The following SEMA3D variants were observed in gnomAD, a reference collection of about 807,000 sequenced individuals.
SEMA3D encodes semaphorin-3D.
In SEMA3D, 84 loss-of-function variants were observed where a neutral mutation model predicts 100.1. That is an observed-to-expected ratio of 0.84 (90% CI 0.70 to 1.01). SEMA3D has a LOEUF of 1.01. SEMA3D is among the 50% of genes least tolerant of loss of function. SEMA3D has a pLI of 0.00. For synonymous variants in SEMA3D, 312 were observed against 320.7 expected, an observed-to-expected ratio of 0.97 and a Z score of 0.29; for missense variants, 875 against 934.1, an observed-to-expected ratio of 0.94 and a Z score of 0.82.
At chr7:85,134,169 ATACT>A (rs933592107) in intron 2 of SEMA3D, among the ~76,000 whole-genome samples, 5 of 152,026 alleles carry the variant, frequency 3.3e-5, no homozygotes, top group Non-Finnish European at 7.4e-5. Flanking sequence ...TAAAAAGAAC[ATACT>A]TAATTGCTTT....
the SEMA3D span, among the ~76,000 whole-genome samples, chr7:85,223,169 G>A: frequency 6.6e-6 from 1 of 152,052 alleles, no homozygotes; most frequent in African/African-American, 2.4e-5. Flanking sequence ...TGGTGTGAAT[G>A]TGCTGAAAAG....
intron 2 of SEMA3D, among the ~76,000 whole-genome samples, chr7:85,149,034 A>T (rs1790291656): frequency 6.6e-6 from 1 of 152,284 alleles, no homozygotes; most frequent in South Asian, 2.1e-4. Flanking sequence ...AAATGAAACC[A>T]TTTGCACAAT....
At chr7:85,017,928 C>A (rs1430503044) in intron 15 of SEMA3D, among the ~76,000 whole-genome samples, 1 of 151,630 alleles carries the variant, frequency 6.6e-6, no homozygotes, top group African/African-American at 2.4e-5. Flanking sequence ...GATTAAAAAC[C>A]CTTTGTAATG....
At chr7:85,072,378 T>C (rs1791798825) in intron 6 of SEMA3D, among the ~76,000 whole-genome samples, 1 of 152,168 alleles carries the variant, frequency 6.6e-6, no homozygotes, top group Admixed American at 6.5e-5. Flanking sequence ...TCCACTATTA[T>C]ACATAACAGG....
intron 5 of SEMA3D, among the ~76,000 whole-genome samples, chr7:85,075,551 T>C (rs1043591991): frequency 6.6e-6 from 1 of 152,132 alleles, no homozygotes; most frequent in African/African-American, 2.4e-5. Flanking sequence ...TGACAAGGCA[T>C]ACCTCAGATT....
At chr7:85,083,859 T>C (rs2116246396) in intron 4 of SEMA3D, among the ~76,000 whole-genome samples, 1 of 113,382 alleles carries the variant, frequency 8.8e-6, no homozygotes, top group South Asian at 2.8e-4. Flanking sequence ...AAAAAAAAAA[T>C]TGCATCGGCC....
Position 85,078,868 on chromosome 7 carries a change from G to A in SEMA3D, c.375+2649C>T, listed in dbSNP as rs1012990960. The stretch of plus-strand genomic sequence containing the variant: ...TTACTAGAGAGGAAGAAGGAGAAAG[G>A]GTAATGCCAAACGTAATAAAAGATG... On this transcript the variant is annotated intron_variant, in intron 5 of 18. Coordinates refer to ENST00000284136, the MANE Select transcript of SEMA3D (RefSeq NM_001384900.1). Among the ~76,000 whole-genome samples, 3 of 152,090 alleles carry A rather than the reference G, an allele frequency of 2.0e-5. No individual in the cohort carries two copies. In the East Asian group the frequency reaches 5.8e-4, roughly 29 times the overall value.
the SEMA3D span, among the ~76,000 whole-genome samples, chr7:85,239,415 G>A: frequency 1.3e-5 from 2 of 152,172 alleles, no homozygotes; most frequent in African/African-American, 4.8e-5. Context: ...GCCTTTAACT[G>A]ATGCTAGACC....
intron 2 of SEMA3D, among the ~76,000 whole-genome samples, chr7:85,129,647 A>G (rs998704690): frequency 4.6e-5 from 7 of 152,170 alleles, no homozygotes; most frequent in African/African-American, 1.7e-4. Flanking sequence ...ATGGGGTTAT[A>G]CCTACTTAGT....
intron 7 of SEMA3D, among the ~76,000 whole-genome samples, chr7:85,066,310 G>T (rs1791618578): frequency 6.6e-6 from 1 of 151,866 alleles, no homozygotes; most frequent in African/African-American, 2.4e-5. Flanking sequence ...GGAGAGAAGG[G>T]ATGGTGAGAA....
chr7:85,053,385 C>T (rs1313978669), intron 9 of SEMA3D, among the ~76,000 whole-genome samples: 7 of 151,688 alleles, frequency 4.6e-5, no homozygotes, highest in East Asian at 1.9e-4. Context: ...ATTATAATGA[C>T]GCTGGGGGGA....
Position 84,999,368 on chromosome 7 carries a change from A to G in SEMA3D, c.*72T>C. 1 of 1,172,728 alleles carries G rather than the reference A, an allele frequency of 8.5e-7. No individual in the cohort carries two copies. Among genetic ancestry groups the G allele is most frequent in the Admixed American group, 2.0e-5 (1 of 50,890 alleles). 72.6% of individuals were successfully genotyped at this position (1,172,728 alleles called of 1,614,324 possible). A position where few individuals can be genotyped will look rare whatever the true frequency, so the allele number is the denominator to read the frequency against. ...CCATGGGAAGCATTTATGAATTACT[A>G]TAAGGGATATACAAAACAGAAGGCA... is the stretch of plus-strand genomic sequence containing the variant. On this transcript the variant is annotated 3_prime_UTR_variant, in exon 19 of 19. Transcript: ENST00000284136.
the SEMA3D span, among the ~76,000 whole-genome samples, chr7:85,216,493 T>C: frequency 2.0e-5 from 3 of 151,946 alleles, no homozygotes; most frequent in Non-Finnish European, 4.4e-5. Flanking sequence ...TGAAATTTAG[T>C]AAAATTAATA....
intron 3 of SEMA3D, among the ~76,000 whole-genome samples, chr7:85,114,643 G>T (rs566103635): frequency 3.3e-5 from 5 of 152,208 alleles, no homozygotes; most frequent in Middle Eastern, 3.4e-3. Context: ...CCTTTGACAT[G>T]CAGACAACCT....
At chr7:85,133,599 G>C (rs577919206) in intron 2 of SEMA3D, among the ~76,000 whole-genome samples, 3 of 151,982 alleles carry the variant, frequency 2.0e-5, no homozygotes, top group African/African-American at 7.2e-5. Flanking sequence ...TAGCAACTGA[G>C]ATAAAATTCT....
intron 12 of SEMA3D, chr7:85,028,384 C>CAAAAAA (rs61589019): frequency 2.7e-5 from 5 of 183,890 alleles, no homozygotes; most frequent in East Asian, 1.9e-4. Context: ...ACAGTTTAGA[C>CAAAAAA]AAAAAAAAAA....
chr7:85,092,222 T>C (rs915377246), intron 4 of SEMA3D, among the ~76,000 whole-genome samples: 3 of 152,078 alleles, frequency 2.0e-5, no homozygotes, highest in Admixed American at 1.3e-4. Flanking sequence ...ATTTCTACCA[T>C]ATGTGATCTG....
At chr7:85,189,269 C>G (rs534396541), upstream of SEMA3D, among the ~76,000 whole-genome samples, 1 of 152,094 alleles carries the variant, frequency 6.6e-6, no homozygotes, top group Non-Finnish European at 1.5e-5. Context: ...GTGTGTTAAA[C>G]GAGTTAATAA....
intron 9 of SEMA3D, among the ~76,000 whole-genome samples, chr7:85,053,569 AT>A (rs1225610196): frequency 6.6e-6 from 1 of 151,918 alleles, no homozygotes; most frequent in East Asian, 1.9e-4. Context: ...GTCATTTTTC[AT>A]GTTGTCAGTG....
Sources: allele counts gnomAD v4.1 joint callset (sites outside exome capture counted in the v4.1 genomes callset), GRCh38; gene constraint gnomAD v4.1.1; transcripts MANE v1.5; gene names NCBI Gene and HGNC (gene_info 2026-07-23, HGNC 2026-07-21).